The following NEK5 variants were observed in gnomAD, a reference collection of about 807,000 sequenced individuals.
The protein encoded by NEK5 is serine/threonine-protein kinase Nek5.
Under a neutral mutation model 109.2 loss-of-function variants are expected in NEK5, and 88 were observed. The ratio of observed to expected loss-of-function variants is 0.81; its 90% CI spans 0.68 to 0.96. The LOEUF (loss-of-function observed/expected upper bound fraction) is 0.96, where lower values mean the gene tolerates loss of function less well. Ranked by LOEUF, NEK5 falls within the 40% of genes least tolerant of loss-of-function variation. The pLI is 0.00. For missense variants in NEK5, 834 were observed against 920.7 expected (o/e 0.91, Z 1.22); for synonymous variants, 283 against 299.9 (o/e 0.94, Z 0.58).
At chr13:52,073,179 T>C (rs182776347) in intron 19 of NEK5, among the ~76,000 whole-genome samples, 83 of 152,308 alleles carry the variant, frequency 5.4e-4, no homozygotes, top group Admixed American at 9.8e-4. Context: ...AAATTAATAT[T>C]ATGAGTAAAA....
intron 23 of NEK5, among the ~76,000 whole-genome samples, chr13:52,040,184 A>G (rs1036650853): frequency 6.6e-6 from 1 of 151,528 alleles, no homozygotes; most frequent in African/African-American, 2.4e-5. Flanking sequence ...TCCCAGGTTC[A>G]AATGATTCTC....
chr13:52,064,241 C>G (rs1192784149), intron 21 of NEK5, among the ~76,000 whole-genome samples: 5 of 145,552 alleles, frequency 3.4e-5, no homozygotes, highest in African/African-American at 1.0e-4. Flanking sequence ...GGTCAGCCCC[C>G]CGCCCAGCCA....
intron 22 of NEK5, among the ~76,000 whole-genome samples, chr13:52,055,930 C>G (rs1406345943): frequency 6.6e-6 from 1 of 151,674 alleles, no homozygotes; most frequent in Non-Finnish European, 1.5e-5. Flanking sequence ...ATGACAGGAT[C>G]AAATTCACAC....
chr13:52,066,712 G>A (rs1013697690), intron 20 of NEK5, among the ~76,000 whole-genome samples: 1 of 151,542 alleles, frequency 6.6e-6, no homozygotes, highest in Non-Finnish European at 1.5e-5. Flanking sequence ...GCTGAGGCAG[G>A]AGAATCGCTT....
intron 17 of NEK5, among the ~76,000 whole-genome samples, chr13:52,079,865 G>A (rs1363413620): frequency 6.6e-6 from 1 of 151,778 alleles, no homozygotes; most frequent in Admixed American, 6.6e-5. Flanking sequence ...GAGCGTCTCT[G>A]CCCGGCCGCC....
At chr13:52,087,486 T>C (rs374134880) in intron 14 of NEK5, 32 bp from the exon 15 acceptor site, 3 of 1,088,616 alleles carry the variant, frequency 2.8e-6, no homozygotes, top group Non-Finnish European at 4.1e-6. Flanking sequence ...TTATAATGCA[T>C]ACTTTGATTT....
At chr13:52,100,113 C>CT (rs979190077) in intron 11 of NEK5, among the ~76,000 whole-genome samples, 29 of 152,114 alleles carry the variant, frequency 1.9e-4, no homozygotes, top group African/African-American at 7.0e-4. Context: ...TATAACATCA[C>CT]TTTTTTTCAG....
intron 3 of NEK5, among the ~76,000 whole-genome samples, chr13:52,122,766 CA>C (rs1001243418): frequency 8.4e-4 from 109 of 129,586 alleles, no homozygotes; most frequent in East Asian, 1.5e-3. Flanking sequence ...GACTCCGTCT[CA>C]AAAAAAAAAA....
chr13:52,109,776 AG>A, intron 7 of NEK5, among the ~76,000 whole-genome samples: 1 of 152,246 alleles, frequency 6.6e-6, no homozygotes, highest in African/African-American at 2.4e-5. Context: ...CAATCAGAAA[AG>A]TTTTTAATCT....
chr13:52,106,212 G>A (rs908853388), intron 8 of NEK5, among the ~76,000 whole-genome samples: 14 of 151,432 alleles, frequency 9.2e-5, no homozygotes, highest in African/African-American at 3.2e-4. Context: ...ATTTTATTAT[G>A]CAGAGAAATT....
chr13:52,062,404 T>C (rs552997919), intron 21 of NEK5, among the ~76,000 whole-genome samples: 29 of 152,082 alleles, frequency 1.9e-4, no homozygotes, highest in Non-Finnish European at 4.1e-4. Context: ...GAGGCTGCTA[T>C]GGCCCTCTTC....
At chr13:52,119,506 A>T (rs1955930070) in intron 3 of NEK5, 91 bp from the exon 4 acceptor site, 1 of 585,676 alleles carries the variant, frequency 1.7e-6, no homozygotes, top group Non-Finnish European at 3.0e-6. Context: ...ATTCTCTAGG[A>T]TTTCACTGGC....
chr13:52,118,279 C>A (rs1352294964), intron 4 of NEK5, among the ~76,000 whole-genome samples: 1 of 152,168 alleles, frequency 6.6e-6, no homozygotes, highest in Non-Finnish European at 1.5e-5. Context: ...AACAGCCCTG[C>A]GCTGGGGGCT....
chr13:52,093,389 G>A (rs924246529), intron 12 of NEK5, among the ~76,000 whole-genome samples, 154 bp from the exon 13 acceptor site: 3 of 152,022 alleles, frequency 2.0e-5, no homozygotes, highest in Admixed American at 6.6e-5. Flanking sequence ...GCAAAACCTC[G>A]TCTGTACTAA....
intron 17 of NEK5, 142 bp downstream of exon 17, chr13:52,083,118 C>T: frequency 1.7e-6 from 1 of 572,112 alleles, no homozygotes; most frequent in Non-Finnish European, 3.1e-6. Context: ...TGCACTCCAA[C>T]CTGGCGACAG....
At position 52,034,323 on chromosome 13, in the gene NEK5, G is replaced by GAATT. The variant is rs1426138079; in HGVS notation, c.*2621_*2624dup. The GAATT allele has an allele frequency of 1.3e-5, 2 of 152,178 alleles. No individual in the cohort carries two copies. Among genetic ancestry groups the GAATT allele is most frequent in the Admixed American group, 1.3e-4 (2 of 15,278 alleles). 9.4% of individuals were successfully genotyped at this position (152,178 alleles called of 1,614,324 possible). ...GTGTGTGTAAAATGGGTAAGGTCTA[G>GAATT]AATTAGGGACTAAAATCAGCTGAAA... On this transcript the variant is annotated 3_prime_UTR_variant, in exon 24 of 24. Coordinates refer to ENST00000684899, the MANE Select transcript of NEK5 (RefSeq NM_001365552.1).
At chr13:52,044,828 G>T (rs1349464785) in intron 23 of NEK5, among the ~76,000 whole-genome samples, 1 of 152,162 alleles carries the variant, frequency 6.6e-6, no homozygotes, top group South Asian at 2.1e-4. Flanking sequence ...GACACAGACA[G>T]TATGAAACGA....
At chr13:52,115,371 G>A (rs1200772740) in intron 4 of NEK5, among the ~76,000 whole-genome samples, 8 of 151,044 alleles carry the variant, frequency 5.3e-5, no homozygotes, top group East Asian at 2.0e-4. Flanking sequence ...TTGGGAGGCC[G>A]AGATGAGTGG....
chr13:52,054,498 A>C (rs552520276), intron 22 of NEK5, among the ~76,000 whole-genome samples: 3 of 152,320 alleles, frequency 2.0e-5, no homozygotes, highest in African/African-American at 7.2e-5. Flanking sequence ...TTTAATAATA[A>C]TTAGGTTTTC....
Sources: allele counts gnomAD v4.1 joint callset (sites outside exome capture counted in the v4.1 genomes callset), GRCh38; gene constraint gnomAD v4.1.1; transcripts MANE v1.5; gene names NCBI Gene and HGNC (gene_info 2026-07-23, HGNC 2026-07-21).